CDH13: variants seen among roughly 807,000 people sequenced by gnomAD.
CDH13 encodes cadherin 13.
A neutral mutation model predicts 63.8 loss-of-function variants in CDH13; 24 were observed. That is an observed-to-expected ratio of 0.38 (90% CI 0.27 to 0.53). The LOEUF is 0.53. Among genes scored for constraint, CDH13 ranks in the 20% least tolerant of loss-of-function variants. CDH13 has a pLI of 0.85. For synonymous variants in CDH13, 503 were observed against 355.3 expected (o/e 1.42, Z -4.67); for missense variants, 1,049 against 903.1 (o/e 1.16, Z -2.07).
intron 2 of CDH13, among the ~76,000 whole-genome samples, chr16:82,882,299 C>T (rs1180357849): frequency 6.6e-6 from 1 of 152,276 alleles, no homozygotes; most frequent in South Asian, 2.1e-4. Context: ...AGGAATCCTT[C>T]CAGCCTGGGT....
intron 4 of CDH13, among the ~76,000 whole-genome samples, chr16:83,132,821 G>A (rs994703852): frequency 2.0e-5 from 3 of 152,146 alleles, no homozygotes. Flanking sequence ...GAGTATCTAA[G>A]ATGCCTAAAG....
At chr16:83,252,279 T>C (rs1252672186) in intron 5 of CDH13, among the ~76,000 whole-genome samples, 1 of 150,750 alleles carries the variant, frequency 6.6e-6, no homozygotes, top group Non-Finnish European at 1.5e-5. Flanking sequence ...TTCTTTTTTT[T>C]TTTCATTTTT....
chr16:83,296,553 T>A (rs986639603), intron 5 of CDH13, among the ~76,000 whole-genome samples: 3 of 152,114 alleles, frequency 2.0e-5, no homozygotes, highest in African/African-American at 7.2e-5. Flanking sequence ...TCGGAGTGAC[T>A]TGGAGGATGT....
intron 11 of CDH13, among the ~76,000 whole-genome samples, chr16:83,778,042 G>A (rs961205604): frequency 6.6e-6 from 1 of 152,194 alleles, no homozygotes; most frequent in African/African-American, 2.4e-5. Flanking sequence ...ATTATTTTGG[G>A]AATAAGGCAA....
At position 82,839,588 on chromosome 16, in the gene CDH13, C is replaced by T. The variant is rs137959169; in HGVS notation, c.46-18774C>T. Among the ~76,000 whole-genome samples the T allele has an allele frequency of 1.3e-5, 2 of 152,266 alleles. 1 individual carries two copies. Among genetic ancestry groups the T allele is most frequent in the African/African-American group, 4.8e-5 (2 of 41,548 alleles). ...CTGCTCCAATTACCTTCATTCTGGC[C>T]CTCAGTACCCCCAACTTGGATAACG... On this transcript the variant is annotated intron_variant, in intron 1 of 13. Coordinates refer to ENST00000567109, the MANE Select transcript of CDH13 (RefSeq NM_001257.5).
intron 6 of CDH13, among the ~76,000 whole-genome samples, chr16:83,390,824 G>T (rs1300125939): frequency 6.6e-6 from 1 of 152,162 alleles, no homozygotes; most frequent in African/African-American, 2.4e-5. Flanking sequence ...TGAAGCAGGA[G>T]AAGGAAGAGC....
At chr16:82,665,735 C>T (rs1054210785) in intron 1 of CDH13, among the ~76,000 whole-genome samples, 2 of 152,044 alleles carry the variant, frequency 1.3e-5, no homozygotes, top group Non-Finnish European at 2.9e-5. Context: ...GCCAGCTCCT[C>T]TCTGAACTGA....
At chr16:82,740,670 G>C (rs1468842409) in intron 1 of CDH13, among the ~76,000 whole-genome samples, 2 of 152,158 alleles carry the variant, frequency 1.3e-5, no homozygotes. Context: ...TGCTCCTTCG[G>C]AAACATTCTT....
At chr16:82,876,780 C>T (rs534585862) in intron 2 of CDH13, among the ~76,000 whole-genome samples, 9 of 152,180 alleles carry the variant, frequency 5.9e-5, no homozygotes, top group African/African-American at 9.6e-5. Context: ...TGTTTGGAAG[C>T]CCATTCCCTA....
At chr16:83,507,587 C>G (rs1346086088) in intron 7 of CDH13, among the ~76,000 whole-genome samples, 1 of 152,196 alleles carries the variant, frequency 6.6e-6, no homozygotes, top group Non-Finnish European at 1.5e-5. Flanking sequence ...GACTGGAATG[C>G]TTAACTGAGC....
chr16:83,398,782 C>A (rs892364679), intron 6 of CDH13, among the ~76,000 whole-genome samples: 1 of 152,148 alleles, frequency 6.6e-6, no homozygotes, highest in Admixed American at 6.5e-5. Flanking sequence ...GAAATAGCAC[C>A]TTTTCAGAAG....
intron 3 of CDH13, among the ~76,000 whole-genome samples, chr16:83,098,297 G>A (rs1292127064): frequency 6.6e-6 from 1 of 152,096 alleles, no homozygotes; most frequent in Non-Finnish European, 1.5e-5. Context: ...TCCTTTCCCA[G>A]CCTTTGCACT....
intron 3 of CDH13, among the ~76,000 whole-genome samples, chr16:83,060,656 G>C (rs1485734121): frequency 2.0e-5 from 3 of 152,230 alleles, no homozygotes; most frequent in African/African-American, 4.8e-5. Flanking sequence ...TCCAGAGCCT[G>C]CATGCCTAAC....
At chr16:83,580,448 T>TTATCTC (rs1905461556) in intron 7 of CDH13, among the ~76,000 whole-genome samples, 1 of 76,368 alleles carries the variant, frequency 1.3e-5, no homozygotes, top group Non-Finnish European at 2.6e-5. Context: ...TTCTGTTCAT[T>TTATCTC]TCTCTCTCTC....
chr16:83,422,314 T>C (rs1473646059), intron 6 of CDH13, among the ~76,000 whole-genome samples: 3 of 152,196 alleles, frequency 2.0e-5, no homozygotes, highest in East Asian at 3.8e-4. Context: ...TTCTCTTTAA[T>C]AGGGGAACTT....
At chr16:82,885,014 A>G (rs2040833605) in intron 2 of CDH13, among the ~76,000 whole-genome samples, 1 of 152,184 alleles carries the variant, frequency 6.6e-6, no homozygotes, top group African/African-American at 2.4e-5. Context: ...GGTGACATTC[A>G]GGAGGCTACT....
At chr16:82,957,327 T>C (rs919750785) in intron 2 of CDH13, among the ~76,000 whole-genome samples, 10 of 152,184 alleles carry the variant, frequency 6.6e-5, no homozygotes, top group African/African-American at 2.4e-4. Context: ...GTAAAACTAA[T>C]CCGAAGAAAT....
At chr16:83,507,105 C>T (rs973862450) in intron 7 of CDH13, among the ~76,000 whole-genome samples, 3 of 152,208 alleles carry the variant, frequency 2.0e-5, no homozygotes, top group African/African-American at 7.2e-5. Context: ...CTGTTACCCC[C>T]CAAACCTGGT....
intron 3 of CDH13, among the ~76,000 whole-genome samples, chr16:83,043,554 T>C (rs914040987): frequency 5.3e-5 from 8 of 151,560 alleles, no homozygotes; most frequent in Non-Finnish European, 8.8e-5. Context: ...ATCTAACATA[T>C]TATCATTTCA....
Sources: allele counts gnomAD v4.1 joint callset (sites outside exome capture counted in the v4.1 genomes callset), GRCh38; gene constraint gnomAD v4.1.1; transcripts MANE v1.5; gene names NCBI Gene and HGNC (gene_info 2026-07-23, HGNC 2026-07-21).